SYT7: variants seen among roughly 807,000 people sequenced by gnomAD.
The protein encoded by SYT7 is synaptotagmin-7.
SYT7 carries 29 observed loss-of-function variants against 75.1 expected under a neutral mutation model. The observed-to-expected ratio is 0.39, with a 90% CI of 0.29 to 0.53. The LOEUF (loss-of-function observed/expected upper bound fraction) is 0.53. SYT7 is among the 20% of genes least tolerant of loss of function. The pLI, the probability that SYT7 is intolerant of heterozygous loss-of-function variation, is 0.77. For synonymous variants in SYT7, 376 were observed against 401.7 expected (o/e 0.94, Z 0.76); for missense variants, 693 against 953.2 (o/e 0.73, Z 3.59).
intron 1 of SYT7, among the ~76,000 whole-genome samples, chr11:61,575,604 G>GC (rs1295473066): frequency 2.0e-5 from 3 of 152,218 alleles, no homozygotes; most frequent in African/African-American, 7.2e-5. Flanking sequence ...AGCAGACGAG[G>GC]CCTTCATGGC....
rs552505153 is a variant in SYT7, at chr11:61,517,376, G to A, written c.*1251C>T. ...TCCCTGCCTCCTTTCCCTGCACTGT[G>A]AGTGAGTCGGGCAGAAGGAGCTGCT... On this transcript the variant is annotated 3_prime_UTR_variant, in exon 13 of 13. Transcript: ENST00000539008. 2.5e-6 allele frequency: 1 copy of A among 398,774 alleles called. No individual in the cohort carries two copies. Among genetic ancestry groups the A allele is most frequent in the South Asian group, 1.3e-4 (1 of 7,854 alleles). The allele number at this position is 398,774 out of a possible 1,614,324, so 24.7% of individuals were successfully genotyped here.
At chr11:61,533,545 T>C (rs1160733763) in intron 7 of SYT7, 3 of 985,262 alleles carry the variant, frequency 3.0e-6, no homozygotes, top group Non-Finnish European at 3.6e-6. Flanking sequence ...TCCAGGTGCC[T>C]CTCCGCGTCA....
intron 1 of SYT7, among the ~76,000 whole-genome samples, chr11:61,560,186 T>C (rs2063600998): frequency 6.6e-6 from 1 of 152,198 alleles, no homozygotes; most frequent in African/African-American, 2.4e-5. Flanking sequence ...GCAATCCGGC[T>C]CAGATTCTAT....
chr11:61,555,563 A>G (rs1382563198), intron 2 of SYT7, among the ~76,000 whole-genome samples: 1 of 152,174 alleles, frequency 6.6e-6, no homozygotes, highest in East Asian at 1.9e-4. Context: ...CCCTCGTTAA[A>G]AATGAAAAGG....
intron 3 of SYT7, among the ~76,000 whole-genome samples, chr11:61,547,989 G>A (rs1206074684): frequency 6.6e-6 from 1 of 152,200 alleles, no homozygotes; most frequent in Non-Finnish European, 1.5e-5. Context: ...GGCCTGAGGG[G>A]CTCTCTGGCT....
At position 61,568,020 on chromosome 11, in the gene SYT7, A is replaced by G. The variant is rs191295062; in HGVS notation, c.32-11813T>C. The stretch of plus-strand genomic sequence containing the variant: ...GGAAGGCTTGTTTAAACAAACACCA[A>G]CCTTTCCTCTGTGGCAGGGCCAGTC... On this transcript the variant is annotated intron_variant, in intron 1 of 12. Transcript: ENST00000539008. Among the ~76,000 whole-genome samples the G allele has an allele frequency of 3.0e-3, 463 of 152,158 alleles. 6 individuals carry two copies. The South Asian group carries it at 0.038, about 13-fold the overall frequency.
chr11:61,588,314 G>C, the SYT7 span, among the ~76,000 whole-genome samples: 1 of 152,212 alleles, frequency 6.6e-6, no homozygotes. Flanking sequence ...CGGGTGCCAA[G>C]TGCATAACAC....
chr11:61,585,386 A>C (rs188874399), upstream of SYT7, among the ~76,000 whole-genome samples: 58 of 152,270 alleles, frequency 3.8e-4, no homozygotes, highest in Middle Eastern at 3.4e-3. Flanking sequence ...CAGGCTGAGC[A>C]TTCGCCTGAT....
intron 2 of SYT7, among the ~76,000 whole-genome samples, chr11:61,552,156 C>T (rs546227026): frequency 4.5e-4 from 69 of 152,210 alleles, no homozygotes; most frequent in African/African-American, 1.6e-3. Flanking sequence ...CGGGTGGGTA[C>T]CCCAGGTCCT....
chr11:61,570,868 G>A (rs1187779430), intron 1 of SYT7, among the ~76,000 whole-genome samples: 1 of 152,154 alleles, frequency 6.6e-6, no homozygotes, highest in Non-Finnish European at 1.5e-5. Flanking sequence ...GTTCCCACCT[G>A]TACCATCAAA....
chr11:61,561,385 C>T (rs1432841825), intron 1 of SYT7, among the ~76,000 whole-genome samples: 3 of 152,182 alleles, frequency 2.0e-5, no homozygotes, highest in Non-Finnish European at 2.9e-5. Flanking sequence ...TGCCCCTCTA[C>T]CCAGGCCTGT....
intron 6 of SYT7, 83 bp from the exon 7 acceptor site, chr11:61,538,349 GA>G (rs2062935472): frequency 3.6e-5 from 20 of 553,392 alleles, no homozygotes; most frequent in South Asian, 2.1e-4. Flanking sequence ...GAGAGAGGGA[GA>G]GAGAGAGAGA....
chr11:61,573,326 C>A (rs935200947), intron 1 of SYT7, among the ~76,000 whole-genome samples: 94 of 152,348 alleles, frequency 6.2e-4, no homozygotes, highest in African/African-American at 2.1e-3. Context: ...TGGGAAGCCC[C>A]CTCAGGGTGT....
intron 6 of SYT7, chr11:61,541,032 G>A: frequency 1.0e-6 from 1 of 985,566 alleles, no homozygotes; most frequent in Non-Finnish European, 1.2e-6. Flanking sequence ...CACTCGCACG[G>A]GTATGGGAAG....
chr11:61,585,327 CAG>C (rs1430311365), upstream of SYT7, among the ~76,000 whole-genome samples: 1 of 152,106 alleles, frequency 6.6e-6, no homozygotes, highest in East Asian at 1.9e-4. Flanking sequence ...GCTCACGTGA[CAG>C]AACAAACACA....
chr11:61,524,736 A>C lies in SYT7; in HGVS notation c.1472-204T>G. ...ACCGTCTCATGGGATTCCCTCAACA[A>C]TTCTCCAAGGTGAATGGCATCTCGT... On this transcript the variant is annotated intron_variant, in intron 9 of 12. Coordinates refer to ENST00000539008, the MANE Select transcript of SYT7 (RefSeq NM_001365809.2). The surrounding 1 kb of genome is among the most constrained non-coding windows in gnomAD (Gnocchi z 4.1). 1.9e-6 allele frequency: 1 copy of C among 519,484 alleles called. No individual in the cohort carries two copies. The allele number at this position is 519,484 out of a possible 1,614,324, so 32.2% of individuals were successfully genotyped here.
rs1199730378 is a variant in SYT7, at chr11:61,580,230, C to T, written c.31+560G>A. 2.6e-5 allele frequency among the ~76,000 whole-genome samples: 4 copies of T among 151,986 alleles called. No homozygotes were observed. Among genetic ancestry groups the T allele is most frequent in the Admixed American group, 2.6e-4 (4 of 15,278 alleles). ...TTTCCCTTCAGGCACCCCCGTCTCA[C>T]CCATCAACGCCCCTGCAGTTCCCCA... is the stretch of plus-strand genomic sequence containing the variant. On this transcript the variant is annotated intron_variant, in intron 1 of 12. Coordinates refer to ENST00000539008, the MANE Select transcript of SYT7 (RefSeq NM_001365809.2). This position sits in a 1 kb window ranked among gnomAD's most constrained non-coding sequence, Gnocchi z 6.1.
chr11:61,571,498 T>C (rs1273567329), intron 1 of SYT7, among the ~76,000 whole-genome samples: 1 of 152,228 alleles, frequency 6.6e-6, no homozygotes, highest in East Asian at 1.9e-4. Flanking sequence ...CACACAGCCA[T>C]GTGGCAGTGA....
At chr11:61,577,744 CACT>C (rs759038273) in intron 1 of SYT7, among the ~76,000 whole-genome samples, 1 of 152,204 alleles carries the variant, frequency 6.6e-6, no homozygotes, top group Non-Finnish European at 1.5e-5. Flanking sequence ...AGGCTTCAAG[CACT>C]ACTACTCCCA....
Sources: allele counts gnomAD v4.1 joint callset (sites outside exome capture counted in the v4.1 genomes callset), GRCh38; gene constraint gnomAD v4.1.1; non-coding constraint Gnocchi (gnomAD v3.1); transcripts MANE v1.5; gene names NCBI Gene and HGNC (gene_info 2026-07-23, HGNC 2026-07-21).